AFF3: variants seen among roughly 807,000 people sequenced by gnomAD.
AFF3 encodes the protein AF4/FMR2 family member 3.
Under a neutral mutation model 129.7 loss-of-function variants are expected in AFF3, and 32 were observed. That is an observed-to-expected ratio of 0.25 (90% CI 0.19 to 0.33). The LOEUF (loss-of-function observed/expected upper bound fraction) is 0.33, where lower values mean the gene tolerates loss of function less well. Among genes scored for constraint, AFF3 ranks in the 10% least tolerant of loss-of-function variants. The pLI is 1.00. For synonymous variants in AFF3, 644 were observed against 635.4 expected (o/e 1.01, Z -0.20); for missense variants, 1,373 against 1,592.0 (o/e 0.86, Z 2.34).
intron 4 of AFF3, 129 bp from the exon 5 acceptor site, chr2:100,009,061 G>A (rs1473360039): frequency 2.4e-6 from 3 of 1,273,104 alleles, no homozygotes; most frequent in Non-Finnish European, 3.2e-6. Context: ...ACATGGATGA[G>A]ACAAAAGCCA....
intron 12 of AFF3, among the ~76,000 whole-genome samples, chr2:99,661,422 A>G (rs150884946): frequency 1.3e-5 from 2 of 152,342 alleles, no homozygotes; most frequent in East Asian, 3.9e-4. Flanking sequence ...AACAAAGGCA[A>G]TGGTTTCCCA....
chr2:99,896,790 C>A (rs896530063), intron 7 of AFF3, among the ~76,000 whole-genome samples: 2 of 151,818 alleles, frequency 1.3e-5, no homozygotes, highest in African/African-American at 4.8e-5. Context: ...CACGCACCAC[C>A]ATGCTCAGCT....
intron 7 of AFF3, among the ~76,000 whole-genome samples, chr2:99,893,449 T>G (rs747808950): frequency 6.6e-6 from 1 of 152,134 alleles, no homozygotes; most frequent in Non-Finnish European, 1.5e-5. Flanking sequence ...AGATGGGGCC[T>G]TTGGGAGGTA....
intron 4 of AFF3, among the ~76,000 whole-genome samples, chr2:100,053,993 C>T: frequency 6.6e-6 from 1 of 152,200 alleles, no homozygotes. Flanking sequence ...CTGCAGTTCT[C>T]CATCCTGGTT....
At chr2:99,628,030 A>T (rs1323862684) in intron 13 of AFF3, among the ~76,000 whole-genome samples, 11 of 152,096 alleles carry the variant, frequency 7.2e-5, no homozygotes, top group Non-Finnish European at 1.5e-5. Flanking sequence ...TTTGCTTAGG[A>T]TTGCCTTGGC....
At chr2:100,108,559 C>A (rs1691400931) in intron 2 of AFF3, among the ~76,000 whole-genome samples, 7 of 152,096 alleles carry the variant, frequency 4.6e-5, no homozygotes, top group Admixed American at 2.6e-4. Context: ...GAGTTGGAGA[C>A]CTTTCTGGGG....
chr2:99,711,951 G>C (rs1677934632), intron 11 of AFF3, among the ~76,000 whole-genome samples: 1 of 152,218 alleles, frequency 6.6e-6, no homozygotes, highest in Admixed American at 6.5e-5. Flanking sequence ...TAAAGCCACA[G>C]TGAGTATGGA....
intron 7 of AFF3, among the ~76,000 whole-genome samples, chr2:99,985,898 A>T (rs941425288): frequency 6.6e-6 from 1 of 152,088 alleles, no homozygotes; most frequent in Admixed American, 6.5e-5. Flanking sequence ...CTTTCATAAG[A>T]AGAAAAAAAA....
rs1687232339 is a variant in AFF3, at chr2:99,672,234, GAATA to G, written c.1143+300_1143+303del. Reference sequence around the variant, plus strand: ...CACACACACACACACACACACACATGAATAAATAAAAAAGAAAAAAAAAAGGCTC... The same window carrying G: ...CACACACACACACACACACACACATGAATAAAAAAGAAAAAAAAAAGGCTC... On this transcript the variant is annotated intron_variant, in intron 12 of 24. Coordinates refer to ENST00000672756, the MANE Select transcript of AFF3 (RefSeq NM_001386135.1). 2.2e-5 allele frequency among the ~76,000 whole-genome samples: 2 copies of G among 92,646 alleles called. 1 individual carries two copies. The highest frequency in any genetic ancestry group is 2.2e-4 in the Admixed American group (2 of 9,124). 60.8% of individuals were successfully genotyped at this position (92,646 alleles called of 152,430 possible). A position where few individuals can be genotyped will look rare whatever the true frequency, so the allele number is the denominator to read the frequency against.
intron 4 of AFF3, among the ~76,000 whole-genome samples, chr2:100,018,017 T>A (rs1370871422): frequency 8.6e-6 from 1 of 116,820 alleles, no homozygotes; most frequent in African/African-American, 3.4e-5. Context: ...TTGATATGTG[T>A]GTGTGTGTGT....
chr2:99,772,523 T>C (rs62150108), intron 8 of AFF3, among the ~76,000 whole-genome samples: 4,387 of 152,306 alleles, frequency 0.029, 82 homozygotes, highest in Non-Finnish European at 0.04. Flanking sequence ...TGTATCAATA[T>C]ATAACCAAGA....
intron 11 of AFF3, among the ~76,000 whole-genome samples, chr2:99,675,171 T>C (rs1291619973): frequency 6.6e-6 from 1 of 152,230 alleles, no homozygotes; most frequent in East Asian, 1.9e-4. Flanking sequence ...AATGAATTTA[T>C]TGTGTTTCCG....
At chr2:100,088,155 G>T (rs1689596225) in intron 4 of AFF3, among the ~76,000 whole-genome samples, 1 of 147,156 alleles carries the variant, frequency 6.8e-6, no homozygotes, top group African/African-American at 2.5e-5. Flanking sequence ...ACATTCTCCT[G>T]GAGGTCCTAG....
rs184426934 is a variant in AFF3, at chr2:99,792,880, T to A, written c.922-40579A>T. On this transcript the variant is annotated intron_variant, in intron 8 of 24. Transcript: ENST00000672756. ...GTGAAAGGTTGATATCAGACTAATG[T>A]TAGCCTCATGAAAAATATATCTGGG... Among the ~76,000 whole-genome samples, 7 of 152,356 alleles carry A rather than the reference T, an allele frequency of 4.6e-5. No individual in the cohort carries two copies. In the East Asian group the frequency reaches 1.3e-3, roughly 29 times the overall value.
In AFF3 at chr2:99,724,271, C is replaced by CTT. The variant is rs58303232; in HGVS notation, c.1091+2804_1091+2805dup. ...TCCTCACTTCAGTGGAATGACCTTT[C>CTT]TTTTTTTTTTTTTTTTTTTGAGACA... On this transcript the variant is annotated intron_variant, in intron 11 of 24. Coordinates refer to ENST00000672756, the MANE Select transcript of AFF3 (RefSeq NM_001386135.1). 1.0e-3 allele frequency among the ~76,000 whole-genome samples: 67 copies of CTT among 66,864 alleles called. 10 individuals are homozygous for CTT. The highest frequency in any genetic ancestry group is 2.1e-3 in the African/African-American group (32 of 15,264). The allele number at this position is 66,864 out of a possible 152,430, so 43.9% of individuals were successfully genotyped here.
intron 7 of AFF3, among the ~76,000 whole-genome samples, chr2:99,930,630 G>T (rs1696603797): frequency 6.6e-6 from 1 of 152,114 alleles, no homozygotes; most frequent in Non-Finnish European, 1.5e-5. Flanking sequence ...CCAGGCTTCT[G>T]ATCAAAGGCA....
intron 13 of AFF3, among the ~76,000 whole-genome samples, chr2:99,649,119 A>G (rs1684995828): frequency 6.6e-6 from 1 of 152,118 alleles, no homozygotes; most frequent in African/African-American, 2.4e-5. Context: ...CATCTCATTC[A>G]GTAACACGCG....
chr2:99,846,796 C>A (rs1003711318), intron 7 of AFF3, among the ~76,000 whole-genome samples: 2 of 152,194 alleles, frequency 1.3e-5, no homozygotes, highest in African/African-American at 2.4e-5. Flanking sequence ...GCTAAAAGAG[C>A]AGACTCACAA....
chr2:99,712,161 G>T (rs1431475915), intron 11 of AFF3, among the ~76,000 whole-genome samples: 2 of 152,092 alleles, frequency 1.3e-5, no homozygotes, highest in African/African-American at 4.8e-5. Context: ...CCTATGAATG[G>T]GTCCTAAAAT....
Sources: gnomAD v4.1 joint callset for allele counts (sites outside exome capture counted in the v4.1 genomes callset) on GRCh38, gnomAD v4.1.1 for gene constraint, MANE v1.5 for transcripts, NCBI Gene and HGNC (gene_info 2026-07-23, HGNC 2026-07-21) for gene names.